Variants in SNX13 observed in about 807,000 individuals in gnomAD.
SNX13 encodes sorting nexin 13, also known as sorting nexin-13.
A neutral mutation model predicts 133.6 loss-of-function variants in SNX13; 45 were observed. That is an observed-to-expected ratio of 0.34 (90% CI 0.27 to 0.43). SNX13 has a LOEUF of 0.43. Among genes scored for constraint, SNX13 ranks in the 20% least tolerant of loss-of-function variants. SNX13 has a pLI of 1.00. For synonymous variants in SNX13, 414 were observed against 373.9 expected (o/e 1.11, Z -1.24); for missense variants, 1,032 against 1,145.1 (o/e 0.90, Z 1.43).
intron 12 of SNX13, among the ~76,000 whole-genome samples, chr7:17,843,917 AC>A (rs1343506153): frequency 6.6e-6 from 1 of 152,046 alleles, no homozygotes. Context: ...ATTAATTAAA[AC>A]AAACATAACA....
At chr7:17,801,011 T>C (rs1404819984) in intron 22 of SNX13, among the ~76,000 whole-genome samples, 2 of 13,288 alleles carry the variant, frequency 1.5e-4, no homozygotes, top group East Asian at 0.029. Flanking sequence ...AAACTGAACA[T>C]ATATATATAT....
intron 19 of SNX13, 129 bp downstream of exon 19, chr7:17,816,053 T>C (rs1786619855): frequency 2.1e-6 from 2 of 943,534 alleles, no homozygotes; most frequent in East Asian, 5.8e-5. Context: ...TTTGACATGC[T>C]GCACAAAAGT....
chr7:17,910,336 T>TG (rs1216783896), intron 1 of SNX13, among the ~76,000 whole-genome samples: 1 of 152,188 alleles, frequency 6.6e-6, no homozygotes, highest in Non-Finnish European at 1.5e-5. Context: ...TAAAACTGGT[T>TG]GAAAAATCTG....
chr7:17,794,223 T>C lies in SNX13; in HGVS notation c.2696A>G (p.Gln899Arg), dbSNP rs1257217209. 1 of 1,611,730 alleles carries C rather than the reference T, an allele frequency of 6.2e-7. No individual in the cohort carries two copies. Among genetic ancestry groups the C allele is most frequent in the Non-Finnish European group, 8.5e-7 (1 of 1,178,530 alleles). ...CATTCTCCTATTTAATTGGTTGTGC[T>C]GAAACATTTCAAAAACACGAAGAAT... ...KGILRVFEMFQHNQLNRRMVY... is the reference protein window; with the variant it reads ...KGILRVFEMFRHNQLNRRMVY... The change falls in exon 26 of 26, where the codon CAG (glutamine) becomes CGG (arginine). Residue 899 changes from glutamine to arginine, a missense_variant. Coordinates refer to ENST00000428135, the MANE Select transcript of SNX13 (RefSeq NM_015132.5).
At chr7:17,880,902 G>A (rs1795259060) in intron 5 of SNX13, 1 of 152,148 alleles carries the variant, frequency 6.6e-6, no homozygotes, top group Non-Finnish European at 1.5e-5. Flanking sequence ...AAAGGACACA[G>A]GAATGAGCAG....
At chr7:17,840,272 C>T (rs764298591) in intron 12 of SNX13, among the ~76,000 whole-genome samples, 45 of 151,950 alleles carry the variant, frequency 3.0e-4, no homozygotes, top group Non-Finnish European at 5.7e-4. Flanking sequence ...AAATTTGTTA[C>T]ATAAAACATT....
chr7:17,868,226 A>C, intron 9 of SNX13, 181 bp downstream of exon 9: 3 of 531,378 alleles, frequency 5.6e-6, no homozygotes, highest in Non-Finnish European at 3.3e-6. Flanking sequence ...CTTAAAGAGA[A>C]TTTGGCCAAC....
At chr7:17,829,395 T>A (rs955326074) in intron 16 of SNX13, among the ~76,000 whole-genome samples, 4 of 151,484 alleles carry the variant, frequency 2.6e-5, no homozygotes, top group Non-Finnish European at 5.9e-5. Context: ...ACTTTCATTA[T>A]TTTACACTGT....
At chr7:17,865,282 TAAAC>T (rs1165692265) in intron 9 of SNX13, among the ~76,000 whole-genome samples, 1 of 152,136 alleles carries the variant, frequency 6.6e-6, no homozygotes, top group Admixed American at 6.5e-5. Context: ...AAATAACTGA[TAAAC>T]AAATTTAGTA....
intron 9 of SNX13, among the ~76,000 whole-genome samples, chr7:17,864,028 C>A (rs1793067830): frequency 6.6e-6 from 1 of 152,106 alleles, no homozygotes; most frequent in African/African-American, 2.4e-5. Flanking sequence ...ACATTCAATC[C>A]CTTTTGACTT....
chr7:17,842,925 A>T (rs932865368), intron 12 of SNX13, among the ~76,000 whole-genome samples: 6 of 152,044 alleles, frequency 3.9e-5, no homozygotes, highest in African/African-American at 1.4e-4. Flanking sequence ...CACAAAGAAA[A>T]TGGCTACATA....
At chr7:17,841,069 C>G (rs1355143494) in intron 12 of SNX13, among the ~76,000 whole-genome samples, 1 of 152,008 alleles carries the variant, frequency 6.6e-6, no homozygotes, top group Non-Finnish European at 1.5e-5. Context: ...CCAGGGTGGA[C>G]AAAAAACAAC....
At position 17,927,195 on chromosome 7, in the gene SNX13, T is replaced by C. The variant is rs573845375; in HGVS notation, c.12+13089A>G. Among the ~76,000 whole-genome samples, 16 of 149,932 alleles carry C rather than the reference T, an allele frequency of 1.1e-4. No individual in the cohort carries two copies. The South Asian group carries it at 3.1e-3, about 29-fold the overall frequency. On this transcript the variant is annotated intron_variant, in intron 1 of 25. Transcript: ENST00000428135. ...ATATATTATGCGTGTACATATAATATATATGTGTATATATAATATATATGT... is the reference window on the plus strand; with the variant it reads ...ATATATTATGCGTGTACATATAATACATATGTGTATATATAATATATATGT...
chr7:17,851,656 G>T (rs546027867), intron 9 of SNX13, among the ~76,000 whole-genome samples: 2 of 122,286 alleles, frequency 1.6e-5, no homozygotes, highest in East Asian at 5.6e-4. Context: ...CTGACAACTG[G>T]AATAGTGGAG....
chr7:17,897,282 T>G lies in SNX13; in HGVS notation c.125+52A>C, dbSNP rs934983413. 7.0e-6 allele frequency: 7 copies of G among 997,388 alleles called. No homozygotes were observed. In the South Asian group the frequency reaches 2.1e-4, roughly 30 times the overall value. The allele number at this position is 997,388 out of a possible 1,614,324, so 61.8% of individuals were successfully genotyped here. ...CCCGTTTCTCAGTCATTTGTTTCCA[T>G]TTTAACAAGATATGACACATGAATT... On this transcript the variant is annotated intron_variant, in intron 2 of 25. Coordinates refer to ENST00000428135, the MANE Select transcript of SNX13 (RefSeq NM_015132.5).
intron 1 of SNX13, among the ~76,000 whole-genome samples, chr7:17,932,534 T>C (rs960744360): frequency 1.3e-5 from 2 of 152,344 alleles, no homozygotes; most frequent in East Asian, 1.9e-4. Flanking sequence ...CATTCATTCA[T>C]TCAACAGATA....
At chr7:17,825,740 C>T (rs1200273288) in intron 17 of SNX13, among the ~76,000 whole-genome samples, 1 of 151,816 alleles carries the variant, frequency 6.6e-6, no homozygotes, top group Non-Finnish European at 1.5e-5. Flanking sequence ...TCAGCTAGAC[C>T]CAAGAACAAA....
chr7:17,876,191 T>C (rs1196416391), intron 5 of SNX13, among the ~76,000 whole-genome samples: 1 of 152,232 alleles, frequency 6.6e-6, no homozygotes, highest in Non-Finnish European at 1.5e-5. Context: ...AAACATTTCT[T>C]GGTTTCTTCT....
intron 1 of SNX13, among the ~76,000 whole-genome samples, chr7:17,922,432 C>G (rs77590770): frequency 0.025 from 3,786 of 152,306 alleles, 60 homozygotes; most frequent in Middle Eastern, 0.048. Flanking sequence ...ATGTTTTGTT[C>G]AGTGTTGTCT....
Sources: gnomAD v4.1 joint callset for allele counts (sites outside exome capture counted in the v4.1 genomes callset) on GRCh38, gnomAD v4.1.1 for gene constraint, MANE v1.5 for transcripts, NCBI Gene and HGNC (gene_info 2026-07-23, HGNC 2026-07-21) for gene names.